ITPRID1: variants seen among roughly 807,000 people sequenced by gnomAD.
ITPRID1 encodes ITPR interacting domain containing 1.
ITPRID1 carries 96 observed loss-of-function variants against 95.4 expected under a neutral mutation model. The ratio of observed to expected loss-of-function variants is 1.01; its 90% CI spans 0.85 to 1.19. The LOEUF is 1.19. Among genes scored for constraint, ITPRID1 ranks in the 50% most tolerant of loss-of-function variants. ITPRID1 has a pLI of 0.00. For synonymous variants in ITPRID1, 510 were observed against 453.6 expected (o/e 1.12, Z -1.58); for missense variants, 1,339 against 1,252.9 (o/e 1.07, Z -1.04).
At chr7:31,527,530 G>A (rs1263463161) in intron 1 of ITPRID1, among the ~76,000 whole-genome samples, 1 of 152,040 alleles carries the variant, frequency 6.6e-6, no homozygotes, top group Non-Finnish European at 1.5e-5. Context: ...CTCACCTTTT[G>A]TCATCTCCCT....
chr7:31,615,604 A>G (rs1049601875), intron 10 of ITPRID1, among the ~76,000 whole-genome samples: 2 of 152,136 alleles, frequency 1.3e-5, no homozygotes, highest in African/African-American at 4.8e-5. Context: ...GTAATTTTTT[A>G]AAATGGAGAT....
chr7:31,589,098 C>T (rs1785751366), intron 10 of ITPRID1, among the ~76,000 whole-genome samples: 1 of 151,326 alleles, frequency 6.6e-6, no homozygotes, highest in African/African-American at 2.4e-5. Flanking sequence ...AATATGCTCA[C>T]AATGAATGAA....
intron 1 of ITPRID1, among the ~76,000 whole-genome samples, chr7:31,533,968 G>A (rs1046672784): frequency 1.3e-5 from 2 of 152,154 alleles, no homozygotes; most frequent in African/African-American, 4.8e-5. Flanking sequence ...AGTGGCAGGT[G>A]AGCAAGCATT....
At chr7:31,585,867 T>C (rs1304615834) in intron 10 of ITPRID1, among the ~76,000 whole-genome samples, 1 of 151,994 alleles carries the variant, frequency 6.6e-6, no homozygotes, top group Non-Finnish European at 1.5e-5. Flanking sequence ...CTTTTAAGTT[T>C]TAGGGTACAT....
At chr7:31,613,066 A>C (rs1021209408) in intron 10 of ITPRID1, among the ~76,000 whole-genome samples, 2 of 152,182 alleles carry the variant, frequency 1.3e-5, no homozygotes, top group Non-Finnish European at 2.9e-5. Context: ...GAGAGCTTCC[A>C]GATAGGCCTA....
At chr7:31,536,776 G>A (rs1456504359) in intron 1 of ITPRID1, among the ~76,000 whole-genome samples, 1 of 152,074 alleles carries the variant, frequency 6.6e-6, no homozygotes, top group Non-Finnish European at 1.5e-5. Context: ...TTTATCAGGG[G>A]CTGGGATTTT....
chr7:31,618,168 G>C (rs1456067151), intron 10 of ITPRID1, among the ~76,000 whole-genome samples: 1 of 152,128 alleles, frequency 6.6e-6, no homozygotes. Context: ...CAGATCAAAG[G>C]TGTGACCATT....
intron 10 of ITPRID1, among the ~76,000 whole-genome samples, chr7:31,586,302 G>A (rs1317970279): frequency 1.2e-3 from 181 of 145,950 alleles, no homozygotes; most frequent in Non-Finnish European, 2.2e-3. Flanking sequence ...ATAAACATAC[G>A]TGTGCATGTG....
chr7:31,579,484 G>A (rs1402641115), intron 9 of ITPRID1, among the ~76,000 whole-genome samples: 1 of 152,164 alleles, frequency 6.6e-6, no homozygotes, highest in Non-Finnish European at 1.5e-5. Context: ...GCAGGGATGG[G>A]CACTGAAACC....
intron 5 of ITPRID1, among the ~76,000 whole-genome samples, chr7:31,560,066 GA>G (rs1784575580): frequency 6.6e-6 from 1 of 152,194 alleles, no homozygotes; most frequent in African/African-American, 2.4e-5. Flanking sequence ...GGATGATCAG[GA>G]AAGGCATCTC....
chr7:31,585,478 A>G (rs1785558416), intron 10 of ITPRID1, among the ~76,000 whole-genome samples: 1 of 152,180 alleles, frequency 6.6e-6, no homozygotes. Flanking sequence ...GAAAAAAAGG[A>G]AATATATAAT....
At chr7:31,514,359 A>G (rs1431686558) in intron 1 of ITPRID1, among the ~76,000 whole-genome samples, 1 of 152,188 alleles carries the variant, frequency 6.6e-6, no homozygotes, top group Non-Finnish European at 1.5e-5. Context: ...TGCAGGTGAA[A>G]TTGATCAGAC....
At chr7:31,636,309 A>G (rs1244276085) in intron 10 of ITPRID1, among the ~76,000 whole-genome samples, 3 of 152,172 alleles carry the variant, frequency 2.0e-5, no homozygotes, top group African/African-American at 4.8e-5. Context: ...GGGCTCTAAC[A>G]TATCACTCTG....
chr7:31,549,000 G>A (rs1265942833), intron 1 of ITPRID1, among the ~76,000 whole-genome samples: 7 of 152,106 alleles, frequency 4.6e-5, no homozygotes, highest in Non-Finnish European at 8.8e-5. Flanking sequence ...ATCTTAGGAA[G>A]GCCCGAACTG....
chr7:31,555,885 C>A (rs1476128424), intron 5 of ITPRID1, among the ~76,000 whole-genome samples: 1 of 151,996 alleles, frequency 6.6e-6, no homozygotes, highest in Non-Finnish European at 1.5e-5. Flanking sequence ...CCCTTTTCAC[C>A]AACCTTCTTT....
At chr7:31,516,692 T>G (rs973281491) in intron 1 of ITPRID1, among the ~76,000 whole-genome samples, 10 of 152,240 alleles carry the variant, frequency 6.6e-5, no homozygotes, top group African/African-American at 2.4e-4. Context: ...AGAGCCTATG[T>G]GTCCATTTGC....
At chr7:31,529,656 G>A (rs1441835954) in intron 1 of ITPRID1, 2 of 883,608 alleles carry the variant, frequency 2.3e-6, no homozygotes, top group Non-Finnish European at 3.4e-6. Flanking sequence ...TTAAATAGGA[G>A]CAGACAGAAA....
At chr7:31,599,662 T>TTCTCTC (rs70986634) in intron 10 of ITPRID1, among the ~76,000 whole-genome samples, 1 of 31,354 alleles carries the variant, frequency 3.2e-5, no homozygotes, top group African/African-American at 7.5e-5. Context: ...TTTCTTTCCT[T>TTCTCTC]TCTCTCTCTC....
intron 1 of ITPRID1, among the ~76,000 whole-genome samples, chr7:31,530,664 T>C (rs1384257294): frequency 6.6e-6 from 1 of 152,210 alleles, no homozygotes; most frequent in African/African-American, 2.4e-5. Flanking sequence ...CTGTAAACTT[T>C]CACTGTAATT....
Sources: allele counts gnomAD v4.1 joint callset (sites outside exome capture counted in the v4.1 genomes callset), GRCh38; gene constraint gnomAD v4.1.1; transcripts MANE v1.5; gene names NCBI Gene and HGNC (gene_info 2026-07-23, HGNC 2026-07-21).